Variants in GAB4 observed in about 807,000 individuals in gnomAD.
The protein encoded by GAB4 is GRB2-associated-binding protein 4.
GAB4 carries 26 observed loss-of-function variants against 51.3 expected under a neutral mutation model. The observed-to-expected ratio is 0.51, with a 90% CI of 0.37 to 0.70. GAB4 has a LOEUF of 0.70. Among genes scored for constraint, GAB4 ranks in the 30% least tolerant of loss-of-function variants. The probability of loss-of-function intolerance (pLI) is 0.00; values close to 1 mark genes in which losing one functional copy is unlikely to be tolerated. For synonymous variants in GAB4, 329 were observed against 291.2 expected, an observed-to-expected ratio of 1.13 and a Z score of -1.32; for missense variants, 759 against 734.6, an observed-to-expected ratio of 1.03 and a Z score of -0.38.
chr22:16,977,273 A>G (rs562390991), intron 3 of GAB4, among the ~76,000 whole-genome samples: 1 of 152,002 alleles, frequency 6.6e-6, no homozygotes, highest in East Asian at 1.9e-4. Flanking sequence ...TATTCAGGAG[A>G]CCCATCTCAC....
intron 3 of GAB4, among the ~76,000 whole-genome samples, chr22:16,981,255 C>T (rs1408767100): frequency 6.7e-6 from 1 of 150,096 alleles, no homozygotes; most frequent in Non-Finnish European, 1.5e-5. Flanking sequence ...AAAAACCAAA[C>T]CCCAAATTAG....
rs747471949 is a variant in GAB4 at position 17,008,158 on chromosome 22, G to A, written c.-44C>T. ...TGAAGGTGGGGGAGACAGGGCGAGAGGGCGTTGCTGGAGGTGGGGTGTGAG... is the reference window on the plus strand; with the variant it reads ...TGAAGGTGGGGGAGACAGGGCGAGAAGGCGTTGCTGGAGGTGGGGTGTGAG... On this transcript the variant is annotated 5_prime_UTR_variant, in exon 1 of 10. Coordinates refer to ENST00000400588, the MANE Select transcript of GAB4 (RefSeq NM_001037814.1). The A allele has an allele frequency of 4.2e-6, 6 of 1,423,834 alleles. No individual in the cohort carries two copies. In the East Asian group the frequency reaches 7.1e-5, roughly 17 times the overall value. 88.2% of individuals were successfully genotyped at this position (1,423,834 alleles called of 1,614,324 possible). A position where few individuals can be genotyped will look rare whatever the true frequency, so the allele number is the denominator to read the frequency against.
chr22:16,963,751 C>A lies in GAB4; in HGVS notation c.1555G>T (p.Ala519Ser), dbSNP rs1194623469. Residue 519 changes from alanine (A) to serine (S), a missense_variant, in exon 9 of 10, where the codon GCG becomes TCG. Around this residue, in one of 3 missense-constraint regions of GAB4, gnomAD observed 588 missense variants for 510.2 expected, o/e 1.15. Transcript: ENST00000400588. ...PPRSTGNIHY[A>S]ALDFQPSKPS... ...TTGCTCGGCTGGAAGTCCAGGGCCG[C>A]GTAGTGGATGTTACCAGTGCTCCTC... The A allele has an allele frequency of 6.8e-6, 11 of 1,613,564 alleles. No individual in the cohort carries two copies. Among genetic ancestry groups the A allele is most frequent in the Non-Finnish European group, 8.5e-6 (10 of 1,179,950 alleles).
intron 1 of GAB4, among the ~76,000 whole-genome samples, chr22:17,006,714 G>T (rs2061042870): frequency 6.6e-6 from 1 of 152,170 alleles, no homozygotes; most frequent in African/African-American, 2.4e-5. Flanking sequence ...CAGGGACATG[G>T]ATGAAGCTGG....
intron 1 of GAB4, among the ~76,000 whole-genome samples, chr22:17,002,112 G>A (rs1322856016): frequency 2.6e-5 from 4 of 151,996 alleles, no homozygotes; most frequent in East Asian, 1.9e-4. Context: ...TGTGCTTCCC[G>A]GGTGAGGCAA....
rs2060666256 is a variant in GAB4, at chr22:16,965,658, G to A, written c.1289-390C>T. 3.3e-5 allele frequency among the ~76,000 whole-genome samples: 5 copies of A among 152,220 alleles called. No homozygotes were observed. The South Asian group carries it at 1.0e-3, about 32-fold the overall frequency. On this transcript the variant is annotated intron_variant, in intron 6 of 9. Transcript: ENST00000400588. ...GGACAGGGCTGTGTAGCCCACCATGGAAGCAGGTAGACACCATGAGGTGCT... is the reference window on the plus strand; with the variant it reads ...GGACAGGGCTGTGTAGCCCACCATGAAAGCAGGTAGACACCATGAGGTGCT...
rs544433119 is a variant in GAB4 at position 17,006,302 on chromosome 22, C to T, written c.174+1639G>A. ...ATCACTGGTCATTAGAGAAATGCAA[C>T]GAGATACCATCTCACGCCAGTTAGA... On this transcript the variant is annotated intron_variant, in intron 1 of 9. Coordinates refer to ENST00000400588, the MANE Select transcript of GAB4 (RefSeq NM_001037814.1). Among the ~76,000 whole-genome samples the T allele has an allele frequency of 8.8e-5, 13 of 147,286 alleles. No individual in the cohort carries two copies. The South Asian group carries it at 2.3e-3, about 26-fold the overall frequency.
intron 3 of GAB4, 33 bp from the exon 4 acceptor site, chr22:16,970,226 T>A: frequency 6.2e-7 from 1 of 1,611,440 alleles, no homozygotes; most frequent in Non-Finnish European, 8.5e-7. Flanking sequence ...GGGGCAGGGG[T>A]GAGAGGAGGC....
rs189132242 is a variant in GAB4 at position 16,976,980 on chromosome 22, T to C, written c.687-6787A>G. ...CAGACAAGCAAATGCTGAGAGATTT[T>C]TGTCACCACCATGCCTGCCTTACAA... On this transcript the variant is annotated intron_variant, in intron 3 of 9. Coordinates refer to ENST00000400588, the MANE Select transcript of GAB4 (RefSeq NM_001037814.1). Among the ~76,000 whole-genome samples, 4 of 152,298 alleles carry C rather than the reference T, an allele frequency of 2.6e-5. No homozygotes were observed. The East Asian group carries it at 7.7e-4, about 29-fold the overall frequency.
At position 16,965,194 on chromosome 22, in the gene GAB4, G is replaced by A. The variant is rs2060662160; in HGVS notation, c.1363C>T (p.Pro455Ser). ...ELSFKPPVTE[P>S]WSGTSHTFDS... is the part of the protein sequence containing the mutation. ...GACACTCACCTGGTCCCAGACCAGGGCTCTGTGACAGGTGGCTTGAAGGAG... is the reference window on the plus strand; with the variant it reads ...GACACTCACCTGGTCCCAGACCAGGACTCTGTGACAGGTGGCTTGAAGGAG... The change falls in exon 7 of 10, where the codon CCC (proline) becomes TCC (serine). Residue 455 changes from proline to serine, a missense_variant. Pro to Ser is a moderately conservative substitution (Grantham distance 74). This residue lies in a region of GAB4 where 588 missense variants were observed against 510.2 expected (regional missense o/e 1.15). Transcript: ENST00000400588. 1.2e-6 allele frequency: 2 copies of A among 1,613,522 alleles called. No homozygotes were observed. Among genetic ancestry groups the A allele is most frequent in the Non-Finnish European group, 1.7e-6 (2 of 1,179,636 alleles).
chr22:16,967,777 G>C (rs1366053970), intron 5 of GAB4, among the ~76,000 whole-genome samples: 1 of 152,184 alleles, frequency 6.6e-6, no homozygotes, highest in African/African-American at 2.4e-5. Flanking sequence ...TGACACCTTG[G>C]AGAACTGTGG....
intron 3 of GAB4, among the ~76,000 whole-genome samples, chr22:16,971,033 C>CA (rs559151212): frequency 0.023 from 2,858 of 125,996 alleles, 66 homozygotes; most frequent in African/African-American, 0.071. Flanking sequence ...CTGTCTCTTC[C>CA]AAAAAAAAAA....
chr22:16,989,547 T>A (rs374047825), intron 2 of GAB4, among the ~76,000 whole-genome samples: 6 of 152,232 alleles, frequency 3.9e-5, no homozygotes, highest in Non-Finnish European at 7.3e-5. Context: ...CACTCCAAGA[T>A]GAGCTCCCAT....
At chr22:17,007,019 A>C (rs550027348) in intron 1 of GAB4, among the ~76,000 whole-genome samples, 3 of 152,282 alleles carry the variant, frequency 2.0e-5, no homozygotes, top group Non-Finnish European at 2.9e-5. Context: ...AAATTGAAAA[A>C]AGAAATGGAG....
At position 16,966,088 on chromosome 22, in the gene GAB4, G is replaced by T. The variant is rs564403142; in HGVS notation, c.1288+12C>A. 37 of 1,612,810 alleles carry T rather than the reference G, an allele frequency of 2.3e-5. No homozygotes were observed. Among genetic ancestry groups the T allele is most frequent in the African/African-American group, 2.3e-4 (17 of 75,030 alleles). On this transcript the variant is annotated intron_variant, in intron 6 of 9. Coordinates refer to ENST00000400588, the MANE Select transcript of GAB4 (RefSeq NM_001037814.1). ...TGGACATTGTCAAGAAATAGAATGG[G>T]GAAAGACTTACCCTTCTGGTTAGGC...
intron 7 of GAB4, 76 bp downstream of exon 7, chr22:16,965,102 C>T: frequency 8.9e-7 from 1 of 1,128,704 alleles, no homozygotes; most frequent in Non-Finnish European, 1.3e-6. Context: ...TTATCCTGAC[C>T]ACAAGCCAAT....
intron 3 of GAB4, among the ~76,000 whole-genome samples, chr22:16,971,919 T>C (rs768666611): frequency 2.2e-4 from 34 of 152,116 alleles, no homozygotes; most frequent in Non-Finnish European, 3.8e-4. Flanking sequence ...TCTATTCCTC[T>C]CCACACACAA....
At position 16,983,156 on chromosome 22, in the gene GAB4, C is replaced by T. The variant is rs998709038; in HGVS notation, c.686+4804G>A. ...TAAACCGTCACAGGTGTAGATCATGCGCTTGATGCATCACTACCTTTCAAC... is the reference window on the plus strand; with the variant it reads ...TAAACCGTCACAGGTGTAGATCATGTGCTTGATGCATCACTACCTTTCAAC... On this transcript the variant is annotated intron_variant, in intron 3 of 9. Coordinates refer to ENST00000400588, the MANE Select transcript of GAB4 (RefSeq NM_001037814.1). Among the ~76,000 whole-genome samples the T allele has an allele frequency of 1.1e-4, 14 of 127,902 alleles. No homozygotes were observed. In the South Asian group the frequency reaches 1.2e-3, roughly 11 times the overall value. 83.9% of individuals were successfully genotyped at this position (127,902 alleles called of 152,430 possible).
intron 1 of GAB4, among the ~76,000 whole-genome samples, chr22:16,999,067 T>C (rs944378200): frequency 2.0e-5 from 3 of 152,248 alleles, no homozygotes; most frequent in Admixed American, 1.3e-4. Context: ...CATTTTTGCA[T>C]TGATGTTCAT....
Sources: allele counts gnomAD v4.1 joint callset (sites outside exome capture counted in the v4.1 genomes callset), GRCh38; gene constraint gnomAD v4.1.1; regional missense constraint gnomAD v4.1.1; transcripts MANE v1.5; gene names NCBI Gene and HGNC (gene_info 2026-07-23, HGNC 2026-07-21).